CNTNAP2: variants seen among roughly 807,000 people sequenced by gnomAD.
The protein encoded by CNTNAP2 is contactin-associated protein-like 2.
CNTNAP2 carries 98 observed loss-of-function variants against 155.2 expected under a neutral mutation model. The ratio of observed to expected loss-of-function variants is 0.63; its 90% confidence interval spans 0.54 to 0.75. CNTNAP2 has a LOEUF of 0.75. CNTNAP2 is among the 30% of genes least tolerant of loss of function. The pLI, the probability that CNTNAP2 is intolerant of heterozygous loss-of-function variation, is 0.00. For synonymous variants in CNTNAP2, 651 were observed against 631.2 expected (o/e 1.03, Z -0.47); for missense variants, 1,727 against 1,688.1 (o/e 1.02, Z -0.40).
chr7:146,306,843 A>G (rs1267984052), intron 1 of CNTNAP2, among the ~76,000 whole-genome samples: 1 of 152,148 alleles, frequency 6.6e-6, no homozygotes, highest in Non-Finnish European at 1.5e-5. Context: ...AAATAATAAG[A>G]GCTATTTATG....
chr7:148,184,561 T>G (rs1795088680), intron 18 of CNTNAP2, among the ~76,000 whole-genome samples: 2 of 152,234 alleles, frequency 1.3e-5, no homozygotes, highest in African/African-American at 4.8e-5. Context: ...ATGTGAATCA[T>G]TTCTCAGCAA....
At chr7:147,828,613 C>T (rs1363152052) in intron 13 of CNTNAP2, among the ~76,000 whole-genome samples, 1 of 152,206 alleles carries the variant, frequency 6.6e-6, no homozygotes, top group African/African-American at 2.4e-5. Context: ...CTAATAAGCA[C>T]CAGCAAATTG....
chr7:146,737,380 TC>T (rs1801638758), intron 1 of CNTNAP2, among the ~76,000 whole-genome samples: 1 of 152,118 alleles, frequency 6.6e-6, no homozygotes, highest in African/African-American at 2.4e-5. Context: ...ATTTATAACT[TC>T]TGTTAACTGA....
chr7:147,164,643 T>G (rs1412049648), intron 8 of CNTNAP2, among the ~76,000 whole-genome samples: 1 of 152,206 alleles, frequency 6.6e-6, no homozygotes, highest in Admixed American at 6.5e-5. Flanking sequence ...GGTAACACTC[T>G]TCATTTTAAA....
At chr7:147,557,379 T>C (rs757898029) in intron 11 of CNTNAP2, among the ~76,000 whole-genome samples, 1 of 152,204 alleles carries the variant, frequency 6.6e-6, no homozygotes, top group Non-Finnish European at 1.5e-5. Flanking sequence ...TATGAATATA[T>C]AGCATGAGAA....
At chr7:148,304,495 A>T (rs1280530486) in intron 21 of CNTNAP2, among the ~76,000 whole-genome samples, 1 of 152,190 alleles carries the variant, frequency 6.6e-6, no homozygotes, top group Non-Finnish European at 1.5e-5. Flanking sequence ...GGGTCAGCAG[A>T]CTTTTCCTGT....
At chr7:148,365,729 T>TATGTGTATACATGTGCAC (rs778477491) in intron 21 of CNTNAP2, among the ~76,000 whole-genome samples, 1 of 28,790 alleles carries the variant, frequency 3.5e-5, no homozygotes, top group African/African-American at 8.3e-5. Context: ...TACGTGTATA[T>TATGTGTATACATGTGCAC]ATGTATGTGT....
intron 1 of CNTNAP2, among the ~76,000 whole-genome samples, chr7:146,265,456 T>C (rs907470528): frequency 3.8e-5 from 5 of 130,508 alleles, no homozygotes; most frequent in Non-Finnish European, 7.4e-5. Flanking sequence ...TTTCTTTCTT[T>C]CTTTTTTTTT....
chr7:146,984,367 CAAAAAA>C (rs34062629), intron 3 of CNTNAP2, among the ~76,000 whole-genome samples: 3 of 94,072 alleles, frequency 3.2e-5, no homozygotes, highest in African/African-American at 1.2e-4. Flanking sequence ...AACCCCATCT[CAAAAAA>C]AAAAAAAAAA....
intron 1 of CNTNAP2, among the ~76,000 whole-genome samples, chr7:146,159,665 G>A (rs1798185328): frequency 6.6e-6 from 1 of 152,058 alleles, no homozygotes; most frequent in South Asian, 2.1e-4. Flanking sequence ...AATGGTAAAG[G>A]GATCAATTCA....
chr7:146,151,682 G>GTATATATATATATATATATGTATA lies in CNTNAP2; in HGVS notation c.97+34724_97+34725insATATGTATATATATATATATATAT, dbSNP rs775446723. Among the ~76,000 whole-genome samples, 15 of 74,136 alleles carry GTATATATATATATATATATGTATA rather than the reference G, an allele frequency of 2.0e-4. 1 individual carries two copies. Among genetic ancestry groups the GTATATATATATATATATATGTATA allele is most frequent in the East Asian group, 8.9e-4 (1 of 1,118 alleles). The allele number at this position is 74,136 out of a possible 152,430, so 48.6% of individuals were successfully genotyped here. ...TATATATATATATATATATATATAT[G>GTATATATATATATATATATGTATA]TATATATATATATATGTATATATAT... is the stretch of plus-strand genomic sequence containing the variant. On this transcript the variant is annotated intron_variant, in intron 1 of 23. Coordinates refer to ENST00000361727, the MANE Select transcript of CNTNAP2 (RefSeq NM_014141.6).
At chr7:147,100,826 G>A (rs79498139) in intron 4 of CNTNAP2, among the ~76,000 whole-genome samples, 2,260 of 152,240 alleles carry the variant, frequency 0.015, 51 homozygotes, top group South Asian at 0.083. Flanking sequence ...AATCCAAAAC[G>A]GAACAATCCA....
chr7:148,327,880 A>G (rs1585276008), intron 21 of CNTNAP2, among the ~76,000 whole-genome samples: 1 of 151,874 alleles, frequency 6.6e-6, no homozygotes, highest in South Asian at 2.1e-4. Context: ...AGACCTAATC[A>G]TCTCCACACT....
intron 1 of CNTNAP2, among the ~76,000 whole-genome samples, chr7:146,607,309 A>G (rs111878863): frequency 5.3e-5 from 8 of 152,174 alleles, no homozygotes; most frequent in African/African-American, 1.9e-4. Context: ...GATATGTCCC[A>G]TGTGTCCAAT....
intron 1 of CNTNAP2, among the ~76,000 whole-genome samples, chr7:146,399,645 AG>A (rs1795685942): frequency 6.6e-6 from 1 of 152,184 alleles, no homozygotes; most frequent in African/African-American, 2.4e-5. Flanking sequence ...GTGCAGATAT[AG>A]CTTCAACATA....
chr7:148,236,036 G>C (rs1474824242), intron 20 of CNTNAP2, among the ~76,000 whole-genome samples: 2 of 152,076 alleles, frequency 1.3e-5, no homozygotes, highest in African/African-American at 4.8e-5. Flanking sequence ...TTACACTAAG[G>C]GTTTTTTACA....
At chr7:147,376,235 C>G (rs1043820758) in intron 9 of CNTNAP2, among the ~76,000 whole-genome samples, 1 of 151,956 alleles carries the variant, frequency 6.6e-6, no homozygotes, top group African/African-American at 2.4e-5. Flanking sequence ...GCACAGAGGG[C>G]AGTCCCAGTG....
At chr7:146,876,882 A>G (rs961973896) in intron 3 of CNTNAP2, among the ~76,000 whole-genome samples, 3 of 152,156 alleles carry the variant, frequency 2.0e-5, no homozygotes, top group Non-Finnish European at 4.4e-5. Flanking sequence ...ATACCCATGC[A>G]TATTGGTTGT....
At chr7:146,160,082 C>T (rs1246484271) in intron 1 of CNTNAP2, among the ~76,000 whole-genome samples, 1 of 152,176 alleles carries the variant, frequency 6.6e-6, no homozygotes, top group African/African-American at 2.4e-5. Flanking sequence ...CAACCTGCTC[C>T]TGAATGACTA....
Sources: gnomAD v4.1 joint callset for allele counts (sites outside exome capture counted in the v4.1 genomes callset) on GRCh38, gnomAD v4.1.1 for gene constraint, MANE v1.5 for transcripts, NCBI Gene and HGNC (gene_info 2026-07-23, HGNC 2026-07-21) for gene names.